Variants in GPC6 observed in about 807,000 individuals in gnomAD.
GPC6 encodes glypican 6.
GPC6 carries 14 observed loss-of-function variants against 55.2 expected under a neutral mutation model. The ratio of observed to expected loss-of-function variants is 0.25; its 90% CI spans 0.17 to 0.40. The LOEUF (loss-of-function observed/expected upper bound fraction) is 0.40. Ranked by LOEUF, GPC6 falls within the 10% of genes least tolerant of loss-of-function variation. The probability of loss-of-function intolerance (pLI) is 1.00; values close to 1 mark genes in which losing one functional copy is unlikely to be tolerated. For synonymous variants in GPC6, 278 were observed against 259.6 expected, an observed-to-expected ratio of 1.07 and a Z score of -0.68; for missense variants, 641 against 708.5, an observed-to-expected ratio of 0.90 and a Z score of 1.08.
chr13:94,147,562 G>A (rs1887606980), intron 4 of GPC6, among the ~76,000 whole-genome samples: 1 of 152,160 alleles, frequency 6.6e-6, no homozygotes, highest in African/African-American at 2.4e-5. Flanking sequence ...AGCATAAACT[G>A]TTGTTGTTAT....
At chr13:93,969,887 G>T (rs1481680382) in intron 3 of GPC6, among the ~76,000 whole-genome samples, 1 of 151,976 alleles carries the variant, frequency 6.6e-6, no homozygotes, top group Non-Finnish European at 1.5e-5. Context: ...TCCACGTTGC[G>T]CAAATGACAG....
At chr13:93,779,904 C>T (rs1340648798) in intron 2 of GPC6, among the ~76,000 whole-genome samples, 1 of 152,136 alleles carries the variant, frequency 6.6e-6, no homozygotes, top group African/African-American at 2.4e-5. Flanking sequence ...TATAAACCCC[C>T]TGGGACTGGA....
chr13:93,525,762 T>C lies in GPC6; in HGVS notation c.161-19501T>C, dbSNP rs566335919. 9.2e-5 allele frequency among the ~76,000 whole-genome samples: 14 copies of C among 152,218 alleles called. No individual in the cohort carries two copies. In the East Asian group the frequency reaches 2.3e-3, roughly 25 times the overall value. On this transcript the variant is annotated intron_variant, in intron 1 of 8. Transcript: ENST00000377047. ...AGTTTCTCAGATGGTTAATTATTTA[T>C]AGGTGCCAGAGCTATCTCCTTATAA...
rs75655808 is a variant in GPC6, at chr13:93,858,628, T to G, written c.711+28083T>G. On this transcript the variant is annotated intron_variant, in intron 3 of 8. Transcript: ENST00000377047. ...CCATGAAAACATGATGTTCTAGAAT[T>G]CAAGTTTAAAAACCTGTAGCACGGA... Among the ~76,000 whole-genome samples, 593 of 151,628 alleles carry G rather than the reference T, an allele frequency of 3.9e-3. 6 individuals carry two copies. The highest frequency in any genetic ancestry group is 0.014 in the African/African-American group (569 of 41,448).
At chr13:93,347,779 T>C (rs918518278) in intron 1 of GPC6, among the ~76,000 whole-genome samples, 1 of 152,184 alleles carries the variant, frequency 6.6e-6, no homozygotes, top group African/African-American at 2.4e-5. Flanking sequence ...GAGGTGATTA[T>C]ATGAAAGTAG....
rs13378963 is a variant in GPC6, at chr13:93,534,444, G to A, written c.161-10819G>A. Among the ~76,000 whole-genome samples the A allele has an allele frequency of 2.6e-5, 4 of 152,168 alleles. No homozygotes were observed. The South Asian group carries it at 8.3e-4, about 31-fold the overall frequency. ...GATGTGCATCGCAAGGTCCCTGAGT[G>A]TCACTTCTGAGGGCGGAGAGCTTGC... On this transcript the variant is annotated intron_variant, in intron 1 of 8. Transcript: ENST00000377047.
intron 3 of GPC6, among the ~76,000 whole-genome samples, chr13:93,863,626 C>T (rs1888878707): frequency 6.6e-6 from 1 of 151,626 alleles, no homozygotes; most frequent in South Asian, 2.1e-4. Context: ...GCATCCATCA[C>T]TGGACCTTCA....
chr13:93,654,900 G>A (rs1404379247), intron 2 of GPC6, among the ~76,000 whole-genome samples: 7 of 148,538 alleles, frequency 4.7e-5, no homozygotes, highest in Non-Finnish European at 7.4e-5. Context: ...GCAGTGGCGC[G>A]ATCTAGGCTC....
intron 4 of GPC6, among the ~76,000 whole-genome samples, chr13:94,126,637 G>C (rs752730213): frequency 6.6e-6 from 1 of 151,932 alleles, no homozygotes; most frequent in Non-Finnish European, 1.5e-5. Context: ...TTAATAGAAG[G>C]GTAAAAATAG....
At chr13:93,766,965 T>TA (rs1016866331) in intron 2 of GPC6, among the ~76,000 whole-genome samples, 2 of 152,138 alleles carry the variant, frequency 1.3e-5, no homozygotes, top group Non-Finnish European at 2.9e-5. Flanking sequence ...CACAGTGCTT[T>TA]AAAATGCACT....
chr13:93,647,774 A>G (rs971057576), intron 2 of GPC6, among the ~76,000 whole-genome samples: 1 of 152,052 alleles, frequency 6.6e-6, no homozygotes, highest in Middle Eastern at 3.2e-3. Flanking sequence ...TGCTTTCTCT[A>G]TTCTTGCTCA....
At chr13:93,374,243 C>T (rs1248873767) in intron 1 of GPC6, among the ~76,000 whole-genome samples, 3 of 152,140 alleles carry the variant, frequency 2.0e-5, no homozygotes, top group Admixed American at 2.0e-4. Context: ...AGAAAACACC[C>T]ATCTATTCTA....
At chr13:94,357,777 A>ACT (rs1292590161) in intron 6 of GPC6, among the ~76,000 whole-genome samples, 1 of 151,906 alleles carries the variant, frequency 6.6e-6, no homozygotes, top group Non-Finnish European at 1.5e-5. Flanking sequence ...GAAAATACAT[A>ACT]CTCTACACTC....
intron 4 of GPC6, among the ~76,000 whole-genome samples, chr13:94,042,054 A>G (rs1023798519): frequency 2.0e-5 from 3 of 151,832 alleles, no homozygotes; most frequent in Non-Finnish European, 2.9e-5. Flanking sequence ...ACAGTTTCTC[A>G]TGAATGGTTT....
chr13:94,240,900 G>A (rs1891037177), intron 4 of GPC6, among the ~76,000 whole-genome samples: 1 of 152,134 alleles, frequency 6.6e-6, no homozygotes, highest in Non-Finnish European at 1.5e-5. Context: ...GGAAGGACTT[G>A]ACTAGGTTGA....
At chr13:93,838,336 C>T (rs1007648558) in intron 3 of GPC6, among the ~76,000 whole-genome samples, 1 of 152,070 alleles carries the variant, frequency 6.6e-6, no homozygotes, top group African/African-American at 2.4e-5. Context: ...CGGGAGCAGA[C>T]ATCTTAGAGT....
At chr13:93,895,222 ATGTG>A (rs369480808) in intron 3 of GPC6, among the ~76,000 whole-genome samples, 8 of 53,594 alleles carry the variant, frequency 1.5e-4, no homozygotes, top group African/African-American at 5.5e-4. Context: ...GTGTGTATGT[ATGTG>A]TGTGTGTGTA....
At chr13:94,387,610 G>A (rs985905832) in intron 7 of GPC6, among the ~76,000 whole-genome samples, 6 of 152,166 alleles carry the variant, frequency 3.9e-5, no homozygotes, top group African/African-American at 1.4e-4. Flanking sequence ...AAAATTCATA[G>A]TTGAAATCCT....
intron 4 of GPC6, among the ~76,000 whole-genome samples, chr13:94,180,555 A>G (rs1055008791): frequency 2.6e-5 from 4 of 152,206 alleles, no homozygotes; most frequent in African/African-American, 9.7e-5. Context: ...AGATGTTTGG[A>G]ATGAGCTACA....
Sources: gnomAD v4.1 joint callset for allele counts (sites outside exome capture counted in the v4.1 genomes callset) on GRCh38, gnomAD v4.1.1 for gene constraint, MANE v1.5 for transcripts, NCBI Gene and HGNC (gene_info 2026-07-23, HGNC 2026-07-21) for gene names.